SGSM2: variants seen among roughly 807,000 people sequenced by gnomAD.
The protein encoded by SGSM2 is RUN and TBC1 domain containing 1.
In SGSM2, 89 loss-of-function variants were observed where a neutral mutation model predicts 126.6. The ratio of observed to expected loss-of-function variants is 0.70; its 90% CI spans 0.59 to 0.84. SGSM2 has a LOEUF of 0.84. Ranked by LOEUF, SGSM2 falls within the 40% of genes least tolerant of loss-of-function variation. The pLI, the probability that SGSM2 is intolerant of heterozygous loss-of-function variation, is 0.00. For missense variants in SGSM2, 1,404 were observed against 1,416.6 expected, an observed-to-expected ratio of 0.99 and a Z score of 0.14; for synonymous variants, 614 against 574.3, an observed-to-expected ratio of 1.07 and a Z score of -0.99.
At chr17:2,338,436 T>G (rs2151453446) in intron 1 of SGSM2, among the ~76,000 whole-genome samples, 1 of 152,252 alleles carries the variant, frequency 6.6e-6, no homozygotes, top group African/African-American at 2.4e-5. Context: ...CCCATTTCCA[T>G]TTCGGGTGGG....
At chr17:2,351,211 T>C (rs1162402714) in intron 2 of SGSM2, among the ~76,000 whole-genome samples, 1 of 151,016 alleles carries the variant, frequency 6.6e-6, no homozygotes, top group African/African-American at 2.4e-5. Context: ...CAAGATCACG[T>C]CACTGCACTC....
rs1292754514 is a variant in SGSM2, at chr17:2,375,727, A to C, written c.2336A>C (p.Glu779Ala). 6.2e-7 allele frequency: 1 copy of C among 1,609,394 alleles called. No individual in the cohort carries two copies. The highest frequency in any genetic ancestry group is 1.3e-5 in the African/African-American group (1 of 74,804). The stretch of plus-strand genomic sequence containing the variant: ...GGGCAGAGCGTGGGCTTCGAAGAGG[A>C]GGACGGCGGTGGGGAGGAAGGCTCC... ...DEGQSVGFEE[E>A]DGGGEEGSSG... The change falls in exon 18 of 24, where the codon GAG (glutamate) becomes GCG (alanine). Residue 779 changes from glutamate (E) to alanine (A), a missense_variant. Physicochemically the swap from Glu to Ala is moderately radical, Grantham distance 107. Coordinates refer to ENST00000268989, the MANE Select transcript of SGSM2 (RefSeq NM_014853.3).
rs1305598219 is a variant in SGSM2, at chr17:2,363,317, G to A, written c.673-148G>A. On this transcript the variant is annotated intron_variant, in intron 6 of 23. Coordinates refer to ENST00000268989, the MANE Select transcript of SGSM2 (RefSeq NM_014853.3). This position sits in a 1 kb window ranked among gnomAD's most constrained non-coding sequence, Gnocchi z 4.2. ...TGCCGGGAGCCCATGCTGGTCCGTG[G>A]CTGGAGAGCAGAGGGTGGCTGGGAG... 2.9e-6 allele frequency: 4 copies of A among 1,398,586 alleles called. No individual in the cohort carries two copies. In the East Asian group the frequency reaches 7.4e-5, roughly 26 times the overall value. The allele number at this position is 1,398,586 out of a possible 1,614,324, so 86.6% of individuals were successfully genotyped here. A position where few individuals can be genotyped will look rare whatever the true frequency, so the allele number is the denominator to read the frequency against.
chr17:2,376,227 C>G lies in SGSM2; in HGVS notation c.2575C>G (p.Pro859Ala), dbSNP rs1235322919. ...CCGCAACTACTGGTACTTCACGCCC[C>G]CCAACCTCGAGAGGCTCAGAGACGT... The part of the protein sequence containing the change: ...CDRNYWYFTP[P>A]NLERLRDVMC... Residue 859 changes from proline (P) to alanine (A), a missense_variant, in exon 19 of 24, where the codon CCC becomes GCC. Transcript: ENST00000268989. 1.2e-6 allele frequency: 2 copies of G among 1,614,040 alleles called. No individual in the cohort carries two copies. Among genetic ancestry groups the G allele is most frequent in the Admixed American group, 1.7e-5 (1 of 60,014 alleles).
In SGSM2 at chr17:2,372,023, G is replaced by A. The variant is rs2065894784; in HGVS notation, c.1578-167G>A. On this transcript the variant is annotated intron_variant, in intron 13 of 23. Coordinates refer to ENST00000268989, the MANE Select transcript of SGSM2 (RefSeq NM_014853.3). This position sits in a 1 kb window ranked among gnomAD's most constrained non-coding sequence, Gnocchi z 6.0. ...GGCCCCACAGCACTCTGTCCAGGTGGCAGGCAGGGACAGGGCACCCACTGA... is the reference window on the plus strand; with the variant it reads ...GGCCCCACAGCACTCTGTCCAGGTGACAGGCAGGGACAGGGCACCCACTGA... The A allele has an allele frequency of 1.3e-6, 1 of 759,840 alleles. No homozygotes were observed. The highest frequency in any genetic ancestry group is 2.4e-5 in the Admixed American group (1 of 41,660). The allele number at this position is 759,840 out of a possible 1,614,324, so 47.1% of individuals were successfully genotyped here. A position where few individuals can be genotyped will look rare whatever the true frequency, so the allele number is the denominator to read the frequency against.
intron 2 of SGSM2, among the ~76,000 whole-genome samples, chr17:2,344,536 C>G (rs555298768): frequency 6.6e-6 from 1 of 152,272 alleles, no homozygotes; most frequent in African/African-American, 2.4e-5. Flanking sequence ...CAGATCCCCA[C>G]CAAGGGCTCA....
chr17:2,376,303 G>GCGCACTCGCTC, intron 19 of SGSM2, 42 bp downstream of exon 19: 1 of 1,610,912 alleles, frequency 6.2e-7, no homozygotes, highest in South Asian at 1.1e-5. Flanking sequence ...GCGGGACCCT[G>GCGCACTCGCTC]CCGCCAGTTA....
Position 2,376,244 on chromosome 17 carries a change from C to T in SGSM2, c.2592C>T (p.Leu864=), listed in dbSNP as rs1474040385. Residue 864 remains leucine, a synonymous_variant, in exon 19 of 24, where the codon CTC becomes CTT. Transcript: ENST00000268989. The part of the protein sequence containing the change: ...WYFTPPNLER[L]RDVMCSYVWE... ...TCACGCCCCCCAACCTCGAGAGGCT[C>T]AGAGACGTCATGTGCAGGTGCCTTG... The T allele has an allele frequency of 6.2e-7, 1 of 1,613,808 alleles. No homozygotes were observed. Among genetic ancestry groups the T allele is most frequent in the East Asian group, 2.2e-5 (1 of 44,870 alleles).
At chr17:2,341,089 A>C (rs1202629867) in intron 1 of SGSM2, among the ~76,000 whole-genome samples, 6 of 152,004 alleles carry the variant, frequency 3.9e-5, no homozygotes, top group Non-Finnish European at 7.4e-5. Context: ...GTTGAATGCT[A>C]ACATCCTTGG....
rs944577929 is a variant in SGSM2 at position 2,379,733 on chromosome 17, G to A, written c.*213G>A. The A allele has an allele frequency of 2.8e-6, 4 of 1,404,558 alleles. No individual in the cohort carries two copies. The highest frequency in any genetic ancestry group is 2.9e-5 in the African/African-American group (2 of 69,300). The allele number at this position is 1,404,558 out of a possible 1,614,324, so 87.0% of individuals were successfully genotyped here. A position where few individuals can be genotyped will look rare whatever the true frequency, so the allele number is the denominator to read the frequency against. ...TCGGATCAGGGCCGGGATGGGAGGG[G>A]TCAGCCTCAGGGAGCAGCTGCCTTG... On this transcript the variant is annotated 3_prime_UTR_variant, in exon 24 of 24. Coordinates refer to ENST00000268989, the MANE Select transcript of SGSM2 (RefSeq NM_014853.3).
chr17:2,371,511 G>A, intron 13 of SGSM2, 96 bp downstream of exon 13: 1 of 1,435,590 alleles, frequency 7.0e-7, no homozygotes, highest in Non-Finnish European at 9.3e-7. Flanking sequence ...GCACGACAGG[G>A]TGGCCTCTAG....
rs1042448168 is a variant in SGSM2, at chr17:2,376,009, C to G, written c.2485-128C>G. 4 of 1,520,284 alleles carry G rather than the reference C, an allele frequency of 2.6e-6. No homozygotes were observed. In the Admixed American group the frequency reaches 5.8e-5, roughly 22 times the overall value. The allele number at this position is 1,520,284 out of a possible 1,614,324, so 94.2% of individuals were successfully genotyped here. ...GGAAGGGAGTTCTGAGCCCATTTCTCAGCATCCCCACAGGACTCGCTCTGG... is the reference window on the plus strand; with the variant it reads ...GGAAGGGAGTTCTGAGCCCATTTCTGAGCATCCCCACAGGACTCGCTCTGG... On this transcript the variant is annotated intron_variant, in intron 18 of 23. Coordinates refer to ENST00000268989, the MANE Select transcript of SGSM2 (RefSeq NM_014853.3).
Position 2,367,321 on chromosome 17 carries a change from G to A in SGSM2, c.1339G>A (p.Asp447Asn), listed in dbSNP as rs368892309. ...LAASRAASVD[D>N]DEEEEDKLHA... Reference sequence around the variant, plus strand: ...GGCCAGCCGCGCGGCCTCGGTGGACGATGATGAGGAAGAGGAGGATAAACT... The same window carrying A: ...GGCCAGCCGCGCGGCCTCGGTGGACAATGATGAGGAAGAGGAGGATAAACT... The change falls in exon 12 of 24, where the codon GAT (aspartate) becomes AAT (asparagine). Residue 447 changes from aspartate to asparagine, a missense_variant. Asp to Asn is a conservative substitution (Grantham distance 23). Transcript: ENST00000268989. This position sits in a 1 kb window ranked among gnomAD's most constrained non-coding sequence, Gnocchi z 4.0. 4.3e-6 allele frequency: 7 copies of A among 1,614,030 alleles called. No individual in the cohort carries two copies. Among genetic ancestry groups the A allele is most frequent in the African/African-American group, 4.0e-5 (3 of 74,934 alleles).
rs2065629386 is a variant in SGSM2, at chr17:2,367,185, C to G, written c.1289-86C>G. On this transcript the variant is annotated intron_variant, in intron 11 of 23. Transcript: ENST00000268989. The surrounding 1 kb of genome is among the most constrained non-coding windows in gnomAD (Gnocchi z 4.0). Reference sequence around the variant, plus strand: ...TGCAGATTCACGATGACCCCGGCCTCCATTCCACTCCCCTTAAGGAGGGAG... The same window carrying G: ...TGCAGATTCACGATGACCCCGGCCTGCATTCCACTCCCCTTAAGGAGGGAG... The G allele has an allele frequency of 7.6e-6, 11 of 1,452,904 alleles. No homozygotes were observed. Among genetic ancestry groups the G allele is most frequent in the Middle Eastern group, 2.0e-4 (1 of 5,086 alleles). The allele number at this position is 1,452,904 out of a possible 1,614,324, so 90.0% of individuals were successfully genotyped here.
At chr17:2,352,391 G>A (rs540345114) in intron 2 of SGSM2, among the ~76,000 whole-genome samples, 14 of 152,328 alleles carry the variant, frequency 9.2e-5, no homozygotes, top group African/African-American at 2.4e-4. Flanking sequence ...GTGTGGCAGC[G>A]GTGGCTGAAC....
At chr17:2,347,525 C>CT (rs2064653100) in intron 2 of SGSM2, among the ~76,000 whole-genome samples, 1 of 150,952 alleles carries the variant, frequency 6.6e-6, no homozygotes. Context: ...ACATTTTTCT[C>CT]TATCATATGG....
chr17:2,371,464 CGT>C (rs1175648261), intron 13 of SGSM2, 49 bp downstream of exon 13: 1 of 1,540,130 alleles, frequency 6.5e-7, no homozygotes, highest in Non-Finnish European at 8.7e-7. Flanking sequence ...TGTCCAGCCA[CGT>C]GTGTGTCCGT....
chr17:2,361,108 A>C (rs546133076), intron 2 of SGSM2, among the ~76,000 whole-genome samples: 2 of 152,168 alleles, frequency 1.3e-5, no homozygotes, highest in Non-Finnish European at 2.9e-5. Context: ...GAATGGAGGG[A>C]AGCCCTCCTA....
At chr17:2,352,934 C>T (rs374679846) in intron 2 of SGSM2, among the ~76,000 whole-genome samples, 58,788 of 117,412 alleles carry the variant, frequency 0.5, 16,780 homozygotes, top group East Asian at 0.73. Flanking sequence ...TCCGCCACCA[C>T]GCCCGGCTAA....
Sources: gnomAD v4.1 joint callset for allele counts (sites outside exome capture counted in the v4.1 genomes callset) on GRCh38, gnomAD v4.1.1 for gene constraint, Gnocchi (gnomAD v3.1) non-coding constraint, MANE v1.5 for transcripts, NCBI Gene and HGNC (gene_info 2026-07-23, HGNC 2026-07-21) for gene names.